Variants in DDX11 observed in about 807,000 individuals in gnomAD.
The protein encoded by DDX11 is DEAD/H-box helicase 11, also known as ATP-dependent DNA helicase DDX11.
DDX11 carries 72 observed loss-of-function variants against 125.2 expected under a neutral mutation model. The observed-to-expected ratio is 0.58, with a 90% CI of 0.48 to 0.70. The LOEUF is 0.70. Among genes scored for constraint, DDX11 ranks in the 30% least tolerant of loss-of-function variants. The pLI is 0.00. For synonymous variants in DDX11, 347 were observed against 452.6 expected (o/e 0.77, Z 2.96); for missense variants, 883 against 1,165.0 (o/e 0.76, Z 3.52).
intron 1 of DDX11, among the ~76,000 whole-genome samples, chr12:31,075,635 C>T (rs997039600): frequency 4.6e-5 from 7 of 152,148 alleles, no homozygotes; most frequent in African/African-American, 9.7e-5. Flanking sequence ...ATGGGACCTC[C>T]GTTACCCAGC....
chr12:31,096,523 GTGGTGGGA>G (rs1945271030), intron 15 of DDX11, 106 bp from the exon 16 acceptor site: 1 of 1,587,526 alleles, frequency 6.3e-7, no homozygotes, highest in Non-Finnish European at 8.6e-7. Flanking sequence ...CCTTGCTGGG[GTGGTGGGA>G]TGTGTGCTGC....
intron 2 of DDX11, 25 bp downstream of exon 2, chr12:31,078,562 T>A (rs1382965849): frequency 8.7e-6 from 14 of 1,611,830 alleles, no homozygotes; most frequent in African/African-American, 2.7e-5. Flanking sequence ...TGAGAGATAC[T>A]GAAAAGGACA....
intron 17 of DDX11, among the ~76,000 whole-genome samples, chr12:31,097,465 G>T (rs1945478226): frequency 6.7e-6 from 1 of 150,224 alleles, no homozygotes; most frequent in Admixed American, 6.6e-5. Flanking sequence ...CGGATCGTGA[G>T]TTCAGGAGAT....
chr12:31,094,716 G>C lies in DDX11; in HGVS notation c.1415-39G>C, dbSNP rs11051242. 1.5e-3 allele frequency: 2,331 copies of C among 1,592,680 alleles called. 17 individuals are homozygous for C. The African/African-American group carries it at 0.026, about 18-fold the overall frequency. On this transcript the variant is annotated intron_variant, in intron 13 of 26. Transcript: ENST00000542838. ...CCCTGGGACTGAAACCTGAGGCTTA[G>C]GGTGAAGCTCCCAAGGCCCTTCATG...
In DDX11 at chr12:31,098,007, C is replaced by T; in HGVS notation, c.1875+10C>T. On this transcript the variant is annotated intron_variant, in intron 18 of 26. Transcript: ENST00000542838. ...GGGTACCATGCAGCCGGTAAGGACA[C>T]CTTTCCCAGCCCCTCGTGCCCCAGG... is the stretch of plus-strand genomic sequence containing the variant. 1 of 1,609,080 alleles carries T rather than the reference C, an allele frequency of 6.2e-7. No homozygotes were observed. Among genetic ancestry groups the T allele is most frequent in the East Asian group, 2.2e-5 (1 of 44,750 alleles).
intron 17 of DDX11, among the ~76,000 whole-genome samples, chr12:31,097,192 C>T (rs1945408930): frequency 6.9e-6 from 1 of 144,874 alleles, no homozygotes; most frequent in African/African-American, 2.7e-5. Context: ...GGATGGGGGT[C>T]CCGTGACCAG....
At chr12:31,085,390 G>A (rs1942937107) in intron 5 of DDX11, among the ~76,000 whole-genome samples, 2 of 152,232 alleles carry the variant, frequency 1.3e-5, no homozygotes, top group African/African-American at 2.4e-5. Context: ...TATACACAAG[G>A]AGGCTGCAGC....
Position 31,092,884 on chromosome 12 carries a change from G to T in DDX11, c.1281G>T (p.Glu427Asp). 1.2e-6 allele frequency: 2 copies of T among 1,614,026 alleles called. No individual in the cohort carries two copies. Among genetic ancestry groups the T allele is most frequent in the African/African-American group, 2.7e-5 (2 of 75,048 alleles). ...ATTCCCAGCTGCTGCAGTACGTGGA[G>T]CGATACGGGTGAGATGTGACCCTCT... ...QAHSQLLQYVERYGKRLKAKN... is the reference protein window; with the variant it reads ...QAHSQLLQYVDRYGKRLKAKN... Residue 427 changes from glutamate to aspartate, a missense_variant, in exon 11 of 27, where the codon GAG becomes GAT. This residue lies in a region of DDX11 where 241 missense variants were observed against 279.7 expected (regional missense o/e 0.86). Transcript: ENST00000542838.
At chr12:31,077,926 G>A (rs1208680935) in intron 1 of DDX11, 5 of 326,868 alleles carry the variant, frequency 1.5e-5, no homozygotes, top group Non-Finnish European at 3.0e-5. Context: ...TCCTCTGCCT[G>A]TGCGTCATGA....
Position 31,103,893 on chromosome 12 carries a change from A to G in DDX11, c.*57A>G, listed in dbSNP as rs1281430812. 1.9e-6 allele frequency: 3 copies of G among 1,613,680 alleles called. No homozygotes were observed. Among genetic ancestry groups the G allele is most frequent in the Non-Finnish European group, 2.5e-6 (3 of 1,179,826 alleles). On this transcript the variant is annotated 3_prime_UTR_variant, in exon 27 of 27. Coordinates refer to ENST00000542838, the MANE Select transcript of DDX11 (RefSeq NM_030653.4). ...CCTTCCTTTGTCCTGCCCGCTGGAG[A>G]CAGTGTTTGTCGTGGGCGTGGTCTG... is the stretch of plus-strand genomic sequence containing the variant.
intron 2 of DDX11, 98 bp from the exon 3 acceptor site, chr12:31,083,715 C>G: frequency 6.9e-7 from 1 of 1,440,178 alleles, no homozygotes; most frequent in Non-Finnish European, 9.7e-7. Context: ...CTCCTATGTA[C>G]AGCCAGACCT....
rs747988161 is a variant in DDX11 at position 31,084,024 on chromosome 12, A to T, written c.356A>T (p.Gln119Leu). The T allele has an allele frequency of 4.3e-6, 7 of 1,613,972 alleles. No homozygotes were observed. The highest frequency in any genetic ancestry group is 5.9e-6 in the Non-Finnish European group (7 of 1,179,860). The change falls in exon 3 of 27, where the codon CAG becomes CTG. Residue 119 changes from glutamine to leucine, a missense_variant. By Grantham distance (113) the Gln-to-Leu change is moderately radical. Transcript: ENST00000542838. ...CCGGCCTGGGTTACTCAGTTTGTGCAGAAGAAAGAAGAGAGGGACCTGGTG... is the reference window on the plus strand; with the variant it reads ...CCGGCCTGGGTTACTCAGTTTGTGCTGAAGAAAGAAGAGAGGGACCTGGTG... ...GEPAWVTQFV[Q>L]KKEERDLVDR...
intron 17 of DDX11, 66 bp downstream of exon 17, chr12:31,097,056 A>G: frequency 6.2e-7 from 1 of 1,600,964 alleles, no homozygotes; most frequent in Non-Finnish European, 8.5e-7. Flanking sequence ...CGGGAGCCGC[A>G]GCGTGAAAGG....
chr12:31,103,065 T>C (rs1407736413), intron 24 of DDX11, 45 bp downstream of exon 24: 3 of 1,596,558 alleles, frequency 1.9e-6, no homozygotes, highest in Non-Finnish European at 1.7e-6. Context: ...GAGTAGGCAG[T>C]GGGTGGGAGT....
At chr12:31,093,149 G>GT (rs1218265299) in intron 11 of DDX11, 96 bp from the exon 12 acceptor site, 114 of 1,359,300 alleles carry the variant, frequency 8.4e-5, no homozygotes, top group Non-Finnish European at 1.1e-4. Flanking sequence ...TTGTGACCCA[G>GT]TTTGAGAGGC....
intron 1 of DDX11, among the ~76,000 whole-genome samples, chr12:31,077,374 T>G (rs1236324327): frequency 6.6e-6 from 1 of 152,168 alleles, no homozygotes; most frequent in Non-Finnish European, 1.5e-5. Context: ...ATGCCTGGTC[T>G]CAGTACTGGG....
intron 20 of DDX11, 196 bp downstream of exon 20, chr12:31,101,326 C>T: frequency 1.6e-6 from 1 of 627,418 alleles, no homozygotes. Flanking sequence ...CCCCGCCCCT[C>T]ACGCCTTAGG....
intron 12 of DDX11, among the ~76,000 whole-genome samples, chr12:31,094,039 C>T (rs1944766175): frequency 6.6e-6 from 1 of 151,810 alleles, no homozygotes; most frequent in Non-Finnish European, 1.5e-5. Flanking sequence ...AACTAGAGCT[C>T]GGAGCAAGGG....
At position 31,094,783 on chromosome 12, in the gene DDX11, T is replaced by C. The variant is rs746722753; in HGVS notation, c.1443T>C (p.Phe481=). The C allele has an allele frequency of 6.8e-6, 11 of 1,613,446 alleles. No individual in the cohort carries two copies. The highest frequency in any genetic ancestry group is 9.3e-6 in the Non-Finnish European group (11 of 1,179,504). ...CGGAGCTGAAGACCATCAACGACTT[T>C]CTCTTCCAGAGCCAGATCGACAACA... ...TGTELKTIND[F]LFQSQIDNIN... Residue 481 remains phenylalanine, a synonymous_variant, in exon 14 of 27, where the codon TTT becomes TTC. Coordinates refer to ENST00000542838, the MANE Select transcript of DDX11 (RefSeq NM_030653.4).
Sources: gnomAD v4.1 joint callset for allele counts (sites outside exome capture counted in the v4.1 genomes callset) on GRCh38, gnomAD v4.1.1 for gene constraint, gnomAD v4.1.1 regional missense constraint, MANE v1.5 for transcripts, NCBI Gene and HGNC (gene_info 2026-07-23, HGNC 2026-07-21) for gene names.